VWC2L: variants seen among roughly 807,000 people sequenced by gnomAD.
VWC2L encodes von Willebrand factor C domain-containing protein 2-like.
In VWC2L, 10 loss-of-function variants were observed where a neutral mutation model predicts 21.6. That is an observed-to-expected ratio of 0.46 (90% CI 0.29 to 0.78). VWC2L has a LOEUF of 0.78. Among genes scored for constraint, VWC2L ranks in the 30% least tolerant of loss-of-function variants. The pLI, the probability that VWC2L is intolerant of heterozygous loss-of-function variation, is 0.10. For synonymous variants in VWC2L, 96 were observed against 94.3 expected, an observed-to-expected ratio of 1.02 and a Z score of -0.10; for missense variants, 209 against 277.1, an observed-to-expected ratio of 0.75 and a Z score of 1.74.
chr2:214,417,714 C>A (rs1702378463), intron 2 of VWC2L, among the ~76,000 whole-genome samples: 1 of 152,018 alleles, frequency 6.6e-6, no homozygotes, highest in Non-Finnish European at 1.5e-5. Context: ...GCCTTGAATA[C>A]TGGGCCAAAA....
At position 214,479,730 on chromosome 2, in the gene VWC2L, G is replaced by A. The variant is rs76998493; in HGVS notation, c.520+42972G>A. Among the ~76,000 whole-genome samples the A allele has an allele frequency of 8.5e-3, 1,301 of 152,242 alleles. 22 individuals carry two copies. Among genetic ancestry groups the A allele is most frequent in the African/African-American group, 0.029 (1,208 of 41,540 alleles). On this transcript the variant is annotated intron_variant, in intron 3 of 3. Transcript: ENST00000312504. ...TGAGGTAGGAGAATCGCTTGAATCCGCAGTGAGCTGAGATCGTGCCATTGC... is the reference window on the plus strand; with the variant it reads ...TGAGGTAGGAGAATCGCTTGAATCCACAGTGAGCTGAGATCGTGCCATTGC...
At chr2:214,481,482 A>C (rs1365311659) in intron 3 of VWC2L, among the ~76,000 whole-genome samples, 1 of 152,178 alleles carries the variant, frequency 6.6e-6, no homozygotes, top group Non-Finnish European at 1.5e-5. Context: ...CTGACAGCTG[A>C]CTGAAGCCTT....
intron 3 of VWC2L, among the ~76,000 whole-genome samples, chr2:214,507,684 G>T (rs1001957501): frequency 2.0e-5 from 3 of 152,150 alleles, no homozygotes; most frequent in African/African-American, 7.2e-5. Context: ...ATGTTATCAA[G>T]AACATTTGCT....
chr2:214,568,206 C>T (rs889209576), intron 3 of VWC2L, among the ~76,000 whole-genome samples: 3 of 152,166 alleles, frequency 2.0e-5, no homozygotes, highest in Non-Finnish European at 4.4e-5. Context: ...GTTCTATAAA[C>T]ATTAGTTTCC....
Position 214,561,809 on chromosome 2 carries a change from T to TATATATATATAC in VWC2L, c.521-13862_521-13861insTATATATATACA, listed in dbSNP as rs1489588765. 2.0e-3 allele frequency among the ~76,000 whole-genome samples: 254 copies of TATATATATATAC among 127,192 alleles called. 4 individuals are homozygous for TATATATATATAC. Among genetic ancestry groups the TATATATATATAC allele is most frequent in the Non-Finnish European group, 3.1e-3 (192 of 62,670 alleles). The allele number at this position is 127,192 out of a possible 152,430, so 83.4% of individuals were successfully genotyped here. ...TTATATATATATATATATATATATA[T>TATATATATATAC]ACACACACATATATAATTTTATATA... is the stretch of plus-strand genomic sequence containing the variant. On this transcript the variant is annotated intron_variant, in intron 3 of 3. Transcript: ENST00000312504.
chr2:214,575,664 T>C lies in VWC2L; in HGVS notation c.521-8T>C. On this transcript the variant is annotated splice_polypyrimidine_tract_variant and splice_region_variant and intron_variant, in intron 3 of 3. Coordinates refer to ENST00000312504, the MANE Select transcript of VWC2L (RefSeq NM_001080500.4). ...TAATCAACTAATCAATGTATCTGTG[T>C]GTTTCAGGTCCAAACTGCTTTGCAG... is the stretch of plus-strand genomic sequence containing the variant. The C allele has an allele frequency of 6.2e-7, 1 of 1,612,976 alleles. No individual in the cohort carries two copies. The highest frequency in any genetic ancestry group is 8.5e-7 in the Non-Finnish European group (1 of 1,179,156).
intron 3 of VWC2L, among the ~76,000 whole-genome samples, chr2:214,483,381 A>T (rs1402928173): frequency 1.3e-5 from 2 of 152,046 alleles, no homozygotes; most frequent in Non-Finnish European, 2.9e-5. Flanking sequence ...TTCAATTAGC[A>T]TGATAAAAAT....
chr2:214,561,809 T>TATATATATATATATAC (rs1489588765), intron 3 of VWC2L, among the ~76,000 whole-genome samples: 1,600 of 126,388 alleles, frequency 0.013, 41 homozygotes, highest in Middle Eastern at 0.022. Context: ...TATATATATA[T>TATATATATATATATAC]ACACACACAT....
rs116772468 is a variant in VWC2L at position 214,494,843 on chromosome 2, G to A, written c.520+58085G>A. ...TTTCTTCTTGTTTTTTCCTTTCAAG[G>A]GCACACTTCACTTATGGTAGAAAAC... On this transcript the variant is annotated intron_variant, in intron 3 of 3. Transcript: ENST00000312504. Among the ~76,000 whole-genome samples the A allele has an allele frequency of 7.2e-3, 1,092 of 151,164 alleles. 15 individuals are homozygous for A. Among genetic ancestry groups the A allele is most frequent in the African/African-American group, 0.025 (1,038 of 41,162 alleles).
At chr2:214,420,785 A>G (rs912890292) in intron 2 of VWC2L, among the ~76,000 whole-genome samples, 1 of 152,212 alleles carries the variant, frequency 6.6e-6, no homozygotes, top group Non-Finnish European at 1.5e-5. Context: ...GGATCTTTGT[A>G]GAGAGGTTGA....
At position 214,538,500 on chromosome 2, in the gene VWC2L, A is replaced by G. The variant is rs539906554; in HGVS notation, c.521-37172A>G. Among the ~76,000 whole-genome samples, 22 of 152,126 alleles carry G rather than the reference A, an allele frequency of 1.4e-4. No homozygotes were observed. The East Asian group carries it at 3.5e-3, about 24-fold the overall frequency. Reference sequence around the variant, plus strand: ...GGGTAAAAAAATACCCTGGATAAAAATTTTCTAACTAAAGCAAATATTTTT... The same window carrying G: ...GGGTAAAAAAATACCCTGGATAAAAGTTTTCTAACTAAAGCAAATATTTTT... On this transcript the variant is annotated intron_variant, in intron 3 of 3. Transcript: ENST00000312504.
intron 3 of VWC2L, among the ~76,000 whole-genome samples, chr2:214,546,497 A>G (rs1452242117): frequency 6.6e-6 from 1 of 152,176 alleles, no homozygotes; most frequent in South Asian, 2.1e-4. Context: ...TTGCACTTCT[A>G]TGCAGCAGTT....
intron 3 of VWC2L, among the ~76,000 whole-genome samples, chr2:214,560,922 T>G (rs1005485665): frequency 6.6e-6 from 1 of 152,236 alleles, no homozygotes; most frequent in Non-Finnish European, 1.5e-5. Flanking sequence ...TCCTCAGAAA[T>G]GACCCTTTGC....
intron 3 of VWC2L, among the ~76,000 whole-genome samples, chr2:214,557,738 C>T (rs1340639422): frequency 6.6e-6 from 1 of 152,144 alleles, no homozygotes. Flanking sequence ...ATTATTTCAG[C>T]TCCTAGTGCC....
At chr2:214,511,680 C>T (rs1443654913) in intron 3 of VWC2L, among the ~76,000 whole-genome samples, 2 of 151,892 alleles carry the variant, frequency 1.3e-5, no homozygotes, top group African/African-American at 4.8e-5. Flanking sequence ...AGTGGTATTT[C>T]GTTATGGCAG....
chr2:214,479,129 A>G (rs905401212), intron 3 of VWC2L, among the ~76,000 whole-genome samples: 1 of 152,158 alleles, frequency 6.6e-6, no homozygotes, highest in Non-Finnish European at 1.5e-5. Context: ...GGATCATGGG[A>G]GAGGTCACTC....
chr2:214,480,953 G>A (rs1302718997), intron 3 of VWC2L, among the ~76,000 whole-genome samples: 1 of 149,912 alleles, frequency 6.7e-6, no homozygotes, highest in Non-Finnish European at 1.5e-5. Context: ...AATCTCTGCT[G>A]CAAAAGATGA....
intron 2 of VWC2L, among the ~76,000 whole-genome samples, chr2:214,422,346 TCTTA>T (rs765915880): frequency 3.3e-5 from 5 of 152,068 alleles, no homozygotes; most frequent in Non-Finnish European, 7.4e-5. Flanking sequence ...GCAAGAGTGT[TCTTA>T]CTTTAAGAAA....
chr2:214,430,849 T>C (rs1416356519), intron 2 of VWC2L, among the ~76,000 whole-genome samples: 1 of 152,214 alleles, frequency 6.6e-6, no homozygotes, highest in Non-Finnish European at 1.5e-5. Flanking sequence ...CATCTGCTTT[T>C]TTTTATTTGC....
Sources: gnomAD v4.1 joint callset for allele counts (sites outside exome capture counted in the v4.1 genomes callset) on GRCh38, gnomAD v4.1.1 for gene constraint, MANE v1.5 for transcripts, NCBI Gene and HGNC (gene_info 2026-07-23, HGNC 2026-07-21) for gene names.